Variants in DPF3 observed in about 807,000 individuals in gnomAD.
DPF3 encodes the protein zinc finger protein DPF3.
A neutral mutation model predicts 56.8 loss-of-function variants in DPF3; 18 were observed. That is an observed-to-expected ratio of 0.32 (90% confidence interval 0.22 to 0.47). The LOEUF (loss-of-function observed/expected upper bound fraction) is 0.47, where lower values mean the gene tolerates loss of function less well. Ranked by LOEUF, DPF3 falls within the 20% of genes least tolerant of loss-of-function variation. The pLI is 1.00. For missense variants in DPF3, 403 were observed against 488.8 expected, an observed-to-expected ratio of 0.82 and a Z score of 1.65; for synonymous variants, 188 against 180.2, an observed-to-expected ratio of 1.04 and a Z score of -0.35.
chr14:72,672,956 G>A (rs1439932925), intron 8 of DPF3, among the ~76,000 whole-genome samples: 1 of 151,830 alleles, frequency 6.6e-6, no homozygotes, highest in Non-Finnish European at 1.5e-5. Context: ...CTATCACAAG[G>A]GCCCTGTCTT....
intron 1 of DPF3, among the ~76,000 whole-genome samples, chr14:72,788,382 G>A (rs56334512): frequency 4.6e-5 from 7 of 152,084 alleles, no homozygotes; most frequent in Admixed American, 2.0e-4. Flanking sequence ...GCAGGGCAGC[G>A]GACCAGAGGA....
At chr14:72,791,279 A>G (rs962844156) in intron 1 of DPF3, among the ~76,000 whole-genome samples, 2 of 152,156 alleles carry the variant, frequency 1.3e-5, no homozygotes, top group Admixed American at 6.5e-5. Context: ...CGGACATATG[A>G]GTGCTACATG....
At chr14:72,892,868 C>G (rs2140139358) in intron 1 of DPF3, among the ~76,000 whole-genome samples, 1 of 152,194 alleles carries the variant, frequency 6.6e-6, no homozygotes, top group East Asian at 1.9e-4. Context: ...CCTTTCAGAG[C>G]GACACTAGTT....
In DPF3 at chr14:72,674,355, C is replaced by G. The variant is rs374644462; in HGVS notation, c.756G>C (p.Pro252=). 2 of 1,612,748 alleles carry G rather than the reference C, an allele frequency of 1.2e-6. No homozygotes were observed. The highest frequency in any genetic ancestry group is 1.1e-5 in the South Asian group (1 of 90,728). Residue 252 remains proline, a synonymous_variant, in exon 8 of 11, where the codon CCG becomes CCC. Coordinates refer to ENST00000556509, the MANE Select transcript of DPF3 (RefSeq NM_001280542.3). ...AGTTATTGGGAATGACTGTTCCATC[C>G]GGTCCTTTCTGGGCTGTGGGAACAT... ...RNENHRPQKG[P]DGTVIPNNYC...
chr14:72,814,842 C>T (rs967607154), intron 1 of DPF3, among the ~76,000 whole-genome samples: 2 of 151,750 alleles, frequency 1.3e-5, no homozygotes, highest in Non-Finnish European at 1.5e-5. Flanking sequence ...CGACATGGAT[C>T]GTAGAGCTAA....
chr14:72,816,734 A>C (rs1883305902), intron 1 of DPF3, among the ~76,000 whole-genome samples: 1 of 152,214 alleles, frequency 6.6e-6, no homozygotes, highest in African/African-American at 2.4e-5. Flanking sequence ...TACTCTCAAG[A>C]AATGTCACAA....
intron 1 of DPF3, among the ~76,000 whole-genome samples, chr14:72,864,520 T>C (rs75804644): frequency 2.0e-3 from 300 of 152,322 alleles, no homozygotes; most frequent in Non-Finnish European, 3.7e-3. Flanking sequence ...GACAAATTAA[T>C]AAAAAATGCC....
In DPF3 at chr14:72,697,967, T is replaced by C. The variant is rs188475331; in HGVS notation, c.605-4754A>G. ...TTCTGCTCGCTGGCCTTTTCGTTTA[T>C]TATAGATTTCTCTTCCCACCACAGA... On this transcript the variant is annotated intron_variant, in intron 6 of 10. Coordinates refer to ENST00000556509, the MANE Select transcript of DPF3 (RefSeq NM_001280542.3). Among the ~76,000 whole-genome samples the C allele has an allele frequency of 1.8e-3, 272 of 152,256 alleles. 1 individual carries two copies. Among genetic ancestry groups the C allele is most frequent in the African/African-American group, 6.3e-3 (260 of 41,552 alleles).
intron 8 of DPF3, among the ~76,000 whole-genome samples, chr14:72,669,207 G>T (rs1886565630): frequency 6.6e-6 from 1 of 152,168 alleles, no homozygotes; most frequent in Non-Finnish European, 1.5e-5. Flanking sequence ...GTTTTAGGTT[G>T]GTTTGTTATT....
intron 1 of DPF3, among the ~76,000 whole-genome samples, chr14:72,785,916 T>G (rs1045223820): frequency 6.6e-6 from 1 of 152,130 alleles, no homozygotes; most frequent in Non-Finnish European, 1.5e-5. Context: ...GATTAAAGAA[T>G]CCCAGAATGT....
chr14:72,771,959 A>AC (rs1891551535), intron 1 of DPF3, 66 bp from the exon 2 acceptor site: 1 of 1,382,762 alleles, frequency 7.2e-7, no homozygotes, highest in South Asian at 1.7e-5. Context: ...AGGGAAACAC[A>AC]CCCAGAGGGA....
At chr14:72,885,399 T>C (rs1044137645) in intron 1 of DPF3, among the ~76,000 whole-genome samples, 4 of 151,298 alleles carry the variant, frequency 2.6e-5, no homozygotes, top group African/African-American at 9.7e-5. Context: ...TGTTTGTTTG[T>C]TTGTTTGTTT....
chr14:72,805,048 C>G (rs1264178005), intron 1 of DPF3, among the ~76,000 whole-genome samples: 1 of 23,690 alleles, frequency 4.2e-5, no homozygotes, highest in Non-Finnish European at 9.0e-5. Context: ...TCCCACAGCC[C>G]TGGACACACA....
chr14:72,789,208 C>T (rs1256475027), intron 1 of DPF3, among the ~76,000 whole-genome samples: 2 of 152,170 alleles, frequency 1.3e-5, no homozygotes, highest in Admixed American at 6.5e-5. Context: ...ATGGCCCTGA[C>T]AGTGGGCGGG....
chr14:72,657,801 C>G (rs1238205518), intron 8 of DPF3, among the ~76,000 whole-genome samples: 1 of 152,168 alleles, frequency 6.6e-6, no homozygotes, highest in Non-Finnish European at 1.5e-5. Flanking sequence ...TGTTTTCATG[C>G]TTCACCCAGA....
chr14:72,760,401 T>G (rs34847234), intron 2 of DPF3, among the ~76,000 whole-genome samples: 26,156 of 152,188 alleles, frequency 0.17, 2,837 homozygotes, highest in East Asian at 0.25. Flanking sequence ...CTTCCTTTTA[T>G]AAGAACCCTT....
chr14:72,873,671 C>G (rs1324237703), intron 1 of DPF3, among the ~76,000 whole-genome samples: 6 of 152,154 alleles, frequency 3.9e-5, no homozygotes, highest in African/African-American at 1.4e-4. Flanking sequence ...TTGGAACCAA[C>G]CCAAATGTCC....
chr14:72,732,887 TTCTC>T (rs950869579), intron 3 of DPF3, among the ~76,000 whole-genome samples: 12 of 151,864 alleles, frequency 7.9e-5, no homozygotes, highest in Admixed American at 4.6e-4. Context: ...CTTTCTTTCT[TTCTC>T]TCTCCCTTCT....
chr14:72,667,914 C>G (rs1464749310), intron 8 of DPF3, among the ~76,000 whole-genome samples: 1 of 152,156 alleles, frequency 6.6e-6, no homozygotes, highest in Non-Finnish European at 1.5e-5. Flanking sequence ...AGTATAGGCT[C>G]TACAATCAGG....
Sources: gnomAD v4.1 joint callset for allele counts (sites outside exome capture counted in the v4.1 genomes callset) on GRCh38, gnomAD v4.1.1 for gene constraint, MANE v1.5 for transcripts, NCBI Gene and HGNC (gene_info 2026-07-23, HGNC 2026-07-21) for gene names.